DLGAP1: variants seen among roughly 807,000 people sequenced by gnomAD.
The protein encoded by DLGAP1 is disks large-associated protein 1.
DLGAP1 carries 11 observed loss-of-function variants against 90.8 expected under a neutral mutation model. That is an observed-to-expected ratio of 0.12 (90% CI 0.08 to 0.20). The LOEUF is 0.20. DLGAP1 is among the 10% of genes least tolerant of loss of function. The pLI is 1.00. For synonymous variants in DLGAP1, 558 were observed against 540.7 expected (o/e 1.03, Z -0.44); for missense variants, 1,050 against 1,333.8 (o/e 0.79, Z 3.31).
At chr18:3,904,261 G>A (rs1476728448) in intron 3 of DLGAP1, among the ~76,000 whole-genome samples, 7 of 152,204 alleles carry the variant, frequency 4.6e-5, no homozygotes, top group Admixed American at 3.9e-4. Context: ...CTGCTCCACA[G>A]CCCACCAAGG....
At chr18:4,411,855 C>T (rs906764429) in intron 1 of DLGAP1, among the ~76,000 whole-genome samples, 1 of 152,152 alleles carries the variant, frequency 6.6e-6, no homozygotes, top group Non-Finnish European at 1.5e-5. Flanking sequence ...GAGAAATCTG[C>T]CAGTCCTTTA....
chr18:3,871,313 G>A (rs2070735508), intron 4 of DLGAP1, among the ~76,000 whole-genome samples: 1 of 152,160 alleles, frequency 6.6e-6, no homozygotes, highest in Non-Finnish European at 1.5e-5. Context: ...CGCATTGCAG[G>A]GAGATTAGTG....
intron 1 of DLGAP1, among the ~76,000 whole-genome samples, chr18:4,310,711 G>A (rs1317404346): frequency 6.6e-6 from 1 of 152,102 alleles, no homozygotes; most frequent in Non-Finnish European, 1.5e-5. Context: ...GCACTCAGTA[G>A]GTAAGAGCAC....
intron 4 of DLGAP1, among the ~76,000 whole-genome samples, chr18:3,858,316 A>T (rs1179516852): frequency 6.6e-6 from 1 of 152,154 alleles, no homozygotes; most frequent in East Asian, 1.9e-4. Flanking sequence ...TTTAACCATC[A>T]GTTCCCCTCT....
At chr18:4,171,795 T>G (rs2077031041) in intron 1 of DLGAP1, among the ~76,000 whole-genome samples, 1 of 152,184 alleles carries the variant, frequency 6.6e-6, no homozygotes, top group South Asian at 2.1e-4. Flanking sequence ...ATGGTTATTA[T>G]GTACTTCTAA....
At chr18:3,514,539 T>C (rs2050720322) in intron 10 of DLGAP1, among the ~76,000 whole-genome samples, 1 of 152,198 alleles carries the variant, frequency 6.6e-6, no homozygotes, top group South Asian at 2.1e-4. Context: ...ATGTTTCATT[T>C]TAGTCTAACT....
At chr18:3,509,097 A>G (rs1568099168) in intron 10 of DLGAP1, among the ~76,000 whole-genome samples, 1 of 152,014 alleles carries the variant, frequency 6.6e-6, no homozygotes, top group Non-Finnish European at 1.5e-5. Context: ...TTTCTAAAAC[A>G]AGCCCAAACA....
chr18:4,323,638 TA>T (rs143437840), intron 1 of DLGAP1, among the ~76,000 whole-genome samples: 5,416 of 151,830 alleles, frequency 0.036, 330 homozygotes, highest in African/African-American at 0.12. Context: ...CTCAGCAAAT[TA>T]AAAAAACAAA....
At chr18:3,938,589 G>A (rs2072694607) in intron 3 of DLGAP1, among the ~76,000 whole-genome samples, 2 of 152,194 alleles carry the variant, frequency 1.3e-5, no homozygotes, top group Admixed American at 6.5e-5. Flanking sequence ...TTCATTCACT[G>A]CTATACCCCA....
intron 4 of DLGAP1, among the ~76,000 whole-genome samples, chr18:3,836,981 G>A (rs1045041564): frequency 5.3e-5 from 8 of 152,302 alleles, no homozygotes; most frequent in Admixed American, 3.3e-4. Context: ...CTGGCTACAG[G>A]AGAACTCAGA....
intron 9 of DLGAP1, among the ~76,000 whole-genome samples, chr18:3,558,575 G>A (rs1284125178): frequency 1.3e-5 from 2 of 152,124 alleles, no homozygotes; most frequent in Non-Finnish European, 2.9e-5. Context: ...GTGCATACAT[G>A]TTAAAGATTT....
intron 3 of DLGAP1, among the ~76,000 whole-genome samples, chr18:3,934,976 G>C (rs1478127235): frequency 6.6e-6 from 1 of 152,258 alleles, no homozygotes; most frequent in Non-Finnish European, 1.5e-5. Context: ...GCCTGGAGCA[G>C]TGACTTAGCC....
intron 1 of DLGAP1, among the ~76,000 whole-genome samples, chr18:4,217,085 G>A (rs961780933): frequency 2.0e-5 from 3 of 151,836 alleles, no homozygotes; most frequent in African/African-American, 7.3e-5. Flanking sequence ...TCTTTTTTCT[G>A]CCTGTATTTT....
At chr18:3,991,407 C>G (rs868679135) in intron 3 of DLGAP1, among the ~76,000 whole-genome samples, 37 of 152,210 alleles carry the variant, frequency 2.4e-4, no homozygotes, top group African/African-American at 8.4e-4. Context: ...TTTCAGGAGT[C>G]CAAACCTTAT....
intron 7 of DLGAP1, among the ~76,000 whole-genome samples, chr18:3,628,023 C>T (rs1437102056): frequency 1.7e-4 from 26 of 151,482 alleles, no homozygotes; most frequent in African/African-American, 2.9e-4. Context: ...GGATTACAGG[C>T]GCGCACCACA....
chr18:3,912,267 T>C (rs1245247281), intron 3 of DLGAP1, among the ~76,000 whole-genome samples: 1 of 152,242 alleles, frequency 6.6e-6, no homozygotes, highest in Non-Finnish European at 1.5e-5. Flanking sequence ...ACAATGTCAA[T>C]TCACATCAAT....
chr18:3,838,931 AATC>A (rs1340746580), intron 4 of DLGAP1, among the ~76,000 whole-genome samples: 1 of 152,226 alleles, frequency 6.6e-6, no homozygotes, highest in Non-Finnish European at 1.5e-5. Context: ...GTTAAAAAAA[AATC>A]ATGTCATAAA....
chr18:4,273,467 G>A (rs1457902003), intron 1 of DLGAP1, among the ~76,000 whole-genome samples: 1 of 152,208 alleles, frequency 6.6e-6, no homozygotes, highest in African/African-American at 2.4e-5. Context: ...TTTACAGAAT[G>A]AAAGCAACAC....
intron 3 of DLGAP1, among the ~76,000 whole-genome samples, chr18:3,886,241 T>G (rs2071309723): frequency 6.6e-6 from 1 of 152,180 alleles, no homozygotes; most frequent in South Asian, 2.1e-4. Flanking sequence ...GAAATCTCCA[T>G]GAATCTTTTC....
Sources: allele counts gnomAD v4.1 joint callset (sites outside exome capture counted in the v4.1 genomes callset), GRCh38; gene constraint gnomAD v4.1.1; transcripts MANE v1.5; gene names NCBI Gene and HGNC (gene_info 2026-07-23, HGNC 2026-07-21).